Variants in LIN28B observed in about 807,000 individuals in gnomAD.
LIN28B encodes protein lin-28 homolog B.
A neutral mutation model predicts 21.9 loss-of-function variants in LIN28B; 5 were observed. That is an observed-to-expected ratio of 0.23 (90% CI 0.12 to 0.48). The LOEUF is 0.48. Ranked by LOEUF, LIN28B falls within the 20% of genes least tolerant of loss-of-function variation. The pLI is 0.98. For synonymous variants in LIN28B, 109 were observed against 111.3 expected (o/e 0.98, Z 0.13); for missense variants, 245 against 310.5 (o/e 0.79, Z 1.58).
intron 3 of LIN28B, chr6:104,950,582 A>G: frequency 3.4e-6 from 3 of 873,130 alleles, no homozygotes; most frequent in South Asian, 1.2e-4. Flanking sequence ...CTAGAGGCAT[A>G]TGAGAACCTG....
chr6:104,937,273 G>A (rs1015174757), intron 2 of LIN28B, among the ~76,000 whole-genome samples: 4 of 151,708 alleles, frequency 2.6e-5, no homozygotes, highest in African/African-American at 7.3e-5. Flanking sequence ...AGCCGCAACC[G>A]CGGGCGCGCG....
rs148163237 is a variant in LIN28B, at chr6:105,083,119, GTA to G, written c.*4338_*4339del. On this transcript the variant is annotated 3_prime_UTR_variant, in exon 4 of 4. Coordinates refer to ENST00000345080, the MANE Select transcript of LIN28B (RefSeq NM_001004317.4). The stretch of plus-strand genomic sequence containing the variant: ...AAGTGAAAATAAAAACACTTGAACT[GTA>G]TGTTTTTAAAAGACAAAAAAGGGGT... 0.13 allele frequency: 20,194 copies of G among 152,574 alleles called. 1,846 individuals are homozygous for G. Among genetic ancestry groups the G allele is most frequent in the East Asian group, 0.38 (1,949 of 5,168 alleles). The allele number at this position is 152,574 out of a possible 1,614,324, so 9.5% of individuals were successfully genotyped here.
At chr6:104,940,428 C>G (rs1778066526) in intron 2 of LIN28B, 1 of 155,118 alleles carries the variant, frequency 6.4e-6, no homozygotes, top group African/African-American at 2.4e-5. Context: ...GCAGCCTCCA[C>G]CAGAACAAAC....
intron 3 of LIN28B, among the ~76,000 whole-genome samples, chr6:105,062,872 A>G (rs2114403476): frequency 6.6e-6 from 1 of 151,724 alleles, no homozygotes; most frequent in East Asian, 1.9e-4. Flanking sequence ...AATTTGATTG[A>G]TTTTTTTCAT....
intron 3 of LIN28B, among the ~76,000 whole-genome samples, chr6:105,070,349 A>G (rs986767820): frequency 4.6e-5 from 7 of 152,178 alleles, no homozygotes; most frequent in Admixed American, 1.3e-4. Context: ...CACAATGGCA[A>G]TGGGGTTTTA....
intron 3 of LIN28B, among the ~76,000 whole-genome samples, chr6:105,061,429 CTATT>C (rs1425880501): frequency 6.6e-6 from 1 of 151,898 alleles, no homozygotes; most frequent in East Asian, 1.9e-4. Flanking sequence ...CATTATTGGG[CTATT>C]TAGTTTGATC....
At chr6:104,944,401 T>C (rs190196865) in intron 2 of LIN28B, among the ~76,000 whole-genome samples, 2 of 152,292 alleles carry the variant, frequency 1.3e-5, no homozygotes, top group Admixed American at 6.5e-5. Flanking sequence ...GAGTATGAAC[T>C]TGATATTTGC....
rs542824026 is a variant in LIN28B, at chr6:105,003,767, T to C, written c.199-22531T>C. ...TGACCTCAAGTGATCCACTTTGGCCTCCCAAAGTGCTGGGATTACAGGCGT... is the reference window on the plus strand; with the variant it reads ...TGACCTCAAGTGATCCACTTTGGCCCCCCAAAGTGCTGGGATTACAGGCGT... On this transcript the variant is annotated intron_variant, in intron 2 of 3. Transcript: ENST00000345080. Among the ~76,000 whole-genome samples the C allele has an allele frequency of 1.4e-3, 215 of 152,226 alleles. No homozygotes were observed. The Middle Eastern group carries it at 0.017, about 12-fold the overall frequency.
At chr6:105,070,979 C>T (rs1022971378) in intron 3 of LIN28B, among the ~76,000 whole-genome samples, 1 of 152,082 alleles carries the variant, frequency 6.6e-6, no homozygotes, top group African/African-American at 2.4e-5. Context: ...TGGGTTCAAG[C>T]AATTCTCCTG....
chr6:105,026,370 T>A lies in LIN28B; in HGVS notation c.271T>A (p.Ser91Thr). The part of the protein sequence containing the change: ...EPVEFTFKKS[S>T]KGLESIRVTG... ...AGTGGAATTCACATTTAAAAAATCT[T>A]CCAAAGGCCTTGAGTCAATACGGGT... The change falls in exon 3 of 4, where the codon TCC (serine) becomes ACC (threonine). Residue 91 changes from serine to threonine, a missense_variant. Coordinates refer to ENST00000345080, the MANE Select transcript of LIN28B (RefSeq NM_001004317.4). 2 of 1,611,838 alleles carry A rather than the reference T, an allele frequency of 1.2e-6. No individual in the cohort carries two copies. Among genetic ancestry groups the A allele is most frequent in the Non-Finnish European group, 1.7e-6 (2 of 1,178,588 alleles).
rs555991576 is a variant in LIN28B at position 105,024,051 on chromosome 6, C to T, written c.199-2247C>T. On this transcript the variant is annotated intron_variant, in intron 2 of 3. Transcript: ENST00000345080. ...AGGCTGGAGTGCAGTGACACGATCT[C>T]GATCTCCGCTCACTGCAACCTCCGC... 5.9e-5 allele frequency among the ~76,000 whole-genome samples: 9 copies of T among 151,974 alleles called. No individual in the cohort carries two copies. The East Asian group carries it at 9.7e-4, about 16-fold the overall frequency.
At chr6:105,026,545 T>C in intron 3 of LIN28B, 63 bp downstream of exon 3, 2 of 1,116,280 alleles carry the variant, frequency 1.8e-6, no homozygotes, top group South Asian at 3.2e-5. Flanking sequence ...TCTGAAAATG[T>C]TTTCATCTTA....
chr6:104,995,471 C>T (rs1179914583), intron 2 of LIN28B, among the ~76,000 whole-genome samples: 1 of 152,138 alleles, frequency 6.6e-6, no homozygotes, highest in African/African-American at 2.4e-5. Context: ...TGTAAGTATG[C>T]AGGCCCTGTG....
At chr6:104,979,691 A>G (rs1252363844) in intron 2 of LIN28B, among the ~76,000 whole-genome samples, 1 of 152,186 alleles carries the variant, frequency 6.6e-6, no homozygotes, top group Non-Finnish European at 1.5e-5. Flanking sequence ...TTGTCAAATT[A>G]TGAGTTTAAA....
At chr6:104,986,001 T>C (rs1458575536) in intron 2 of LIN28B, among the ~76,000 whole-genome samples, 1 of 152,164 alleles carries the variant, frequency 6.6e-6, no homozygotes, top group Non-Finnish European at 1.5e-5. Flanking sequence ...CCAAATCTCA[T>C]GTTTGAATTG....
intron 3 of LIN28B, among the ~76,000 whole-genome samples, chr6:105,036,254 G>T (rs532011972): frequency 6.6e-6 from 1 of 152,126 alleles, no homozygotes; most frequent in Admixed American, 6.5e-5. Context: ...TTTGCATCTT[G>T]TACTTCCTAC....
At chr6:105,018,585 A>T (rs1428395261) in intron 2 of LIN28B, among the ~76,000 whole-genome samples, 1 of 152,044 alleles carries the variant, frequency 6.6e-6, no homozygotes, top group African/African-American at 2.4e-5. Context: ...TCATTTCATA[A>T]TTTTTCTGTT....
intron 2 of LIN28B, among the ~76,000 whole-genome samples, chr6:104,998,133 TAA>T (rs1015406570): frequency 1.1e-4 from 16 of 152,182 alleles, no homozygotes; most frequent in African/African-American, 3.9e-4. Context: ...AACAGAATAT[TAA>T]AATAAACATA....
intron 2 of LIN28B, among the ~76,000 whole-genome samples, chr6:104,986,807 T>C (rs541820277): frequency 6.6e-6 from 1 of 152,336 alleles, no homozygotes; most frequent in African/African-American, 2.4e-5. Flanking sequence ...GTTTTACCTT[T>C]AGGTTCTGAA....
Sources: gnomAD v4.1 joint callset for allele counts (sites outside exome capture counted in the v4.1 genomes callset) on GRCh38, gnomAD v4.1.1 for gene constraint, MANE v1.5 for transcripts, NCBI Gene and HGNC (gene_info 2026-07-23, HGNC 2026-07-21) for gene names.